NELL1: variants seen among roughly 807,000 people sequenced by gnomAD.
The protein encoded by NELL1 is neural EGFL like 1.
In NELL1, 76 loss-of-function variants were observed where a neutral mutation model predicts 107.4. The ratio of observed to expected loss-of-function variants is 0.71; its 90% CI spans 0.59 to 0.86. The LOEUF (loss-of-function observed/expected upper bound fraction) is 0.86, where lower values mean the gene tolerates loss of function less well. NELL1 is among the 40% of genes least tolerant of loss of function. The pLI, the probability that NELL1 is intolerant of heterozygous loss-of-function variation, is 0.00. For synonymous variants in NELL1, 353 were observed against 341.2 expected (o/e 1.03, Z -0.38); for missense variants, 1,024 against 1,005.5 (o/e 1.02, Z -0.25).
At chr11:21,170,655 A>T (rs968145028) in intron 13 of NELL1, among the ~76,000 whole-genome samples, 4 of 149,284 alleles carry the variant, frequency 2.7e-5, no homozygotes, top group Non-Finnish European at 5.9e-5. Flanking sequence ...TCTTTCCAGT[A>T]TATATATATA....
At chr11:21,487,736 G>A (rs1854674917) in intron 15 of NELL1, among the ~76,000 whole-genome samples, 1 of 152,076 alleles carries the variant, frequency 6.6e-6, no homozygotes, top group Non-Finnish European at 1.5e-5. Flanking sequence ...TAGATTGGCT[G>A]AATGGATTTT....
At chr11:21,404,253 T>C (rs546345719) in intron 15 of NELL1, among the ~76,000 whole-genome samples, 1 of 152,018 alleles carries the variant, frequency 6.6e-6, no homozygotes, top group African/African-American at 2.4e-5. Context: ...CCTATACTTA[T>C]ATTTTCCTTT....
At chr11:21,506,889 C>A (rs1855294984) in intron 15 of NELL1, among the ~76,000 whole-genome samples, 1 of 152,122 alleles carries the variant, frequency 6.6e-6, no homozygotes, top group Non-Finnish European at 1.5e-5. Context: ...CCTTTCATTT[C>A]TGGTCTGTCA....
At chr11:21,205,531 C>G (rs1791855) in intron 13 of NELL1, among the ~76,000 whole-genome samples, 135,401 of 152,206 alleles carry the variant, frequency 0.89, 62,417 homozygotes, top group East Asian at 1. Context: ...AGAATTTCAA[C>G]CCAGTTGCCC....
intron 16 of NELL1, among the ~76,000 whole-genome samples, chr11:21,553,597 A>G (rs1383400741): frequency 6.6e-6 from 1 of 151,772 alleles, no homozygotes; most frequent in Non-Finnish European, 1.5e-5. Context: ...TAGCTCCTAA[A>G]TTTTACCAAA....
chr11:20,854,859 C>A (rs1053346439), intron 4 of NELL1, among the ~76,000 whole-genome samples: 1 of 152,154 alleles, frequency 6.6e-6, no homozygotes, highest in African/African-American at 2.4e-5. Flanking sequence ...GTAAAAGAAG[C>A]CTTGGATGCT....
chr11:20,997,152 A>G (rs898750935), intron 12 of NELL1, among the ~76,000 whole-genome samples: 3 of 152,234 alleles, frequency 2.0e-5, no homozygotes, highest in Non-Finnish European at 4.4e-5. Context: ...AATAAATACA[A>G]TGTATGACTA....
intron 12 of NELL1, among the ~76,000 whole-genome samples, chr11:21,048,141 T>C (rs879873486): frequency 7.9e-5 from 12 of 151,966 alleles, no homozygotes; most frequent in Admixed American, 6.6e-4. Context: ...CATTTTTTTT[T>C]CCTTAACTCA....
In NELL1 at chr11:21,541,722, T is replaced by C. The variant is rs146458750; in HGVS notation, c.1786+7208T>C. ...TCTAGCTGAGCAGCATTTAGAAAGA[T>C]ATTTAACCTTTCAAAGCCTTAGTTT... On this transcript the variant is annotated intron_variant, in intron 16 of 19. Transcript: ENST00000357134. 1.9e-4 allele frequency among the ~76,000 whole-genome samples: 29 copies of C among 152,196 alleles called. No individual in the cohort carries two copies. In the East Asian group the frequency reaches 5.2e-3, roughly 28 times the overall value.
intron 3 of NELL1, among the ~76,000 whole-genome samples, chr11:20,827,693 A>G (rs975959463): frequency 4.0e-5 from 6 of 151,394 alleles, no homozygotes; most frequent in African/African-American, 1.4e-4. Flanking sequence ...GAACTCAAGC[A>G]TATGGCCACA....
intron 3 of NELL1, among the ~76,000 whole-genome samples, chr11:20,792,950 G>C (rs139865414): frequency 6.6e-6 from 1 of 151,898 alleles, no homozygotes; most frequent in Admixed American, 6.5e-5. Context: ...TTATGTGCTA[G>C]ACTATTTAAA....
intron 13 of NELL1, among the ~76,000 whole-genome samples, chr11:21,217,565 G>C (rs911689105): frequency 9.9e-5 from 15 of 152,106 alleles, no homozygotes; most frequent in African/African-American, 3.6e-4. Flanking sequence ...GATGGAATGA[G>C]GAGAGGGTAG....
intron 15 of NELL1, among the ~76,000 whole-genome samples, chr11:21,502,914 T>A (rs1382828952): frequency 6.6e-6 from 1 of 152,174 alleles, no homozygotes; most frequent in Non-Finnish European, 1.5e-5. Flanking sequence ...TGGAATTTTG[T>A]TCTTGTTGCC....
intron 2 of NELL1, among the ~76,000 whole-genome samples, chr11:20,692,929 T>C (rs1225907957): frequency 6.6e-6 from 1 of 152,146 alleles, no homozygotes; most frequent in African/African-American, 2.4e-5. Flanking sequence ...CTAAGTCTCT[T>C]TGTGGGTCAT....
chr11:20,851,304 T>C (rs1174193037), intron 4 of NELL1, among the ~76,000 whole-genome samples: 1 of 152,234 alleles, frequency 6.6e-6, no homozygotes, highest in Non-Finnish European at 1.5e-5. Flanking sequence ...TTCAACACTT[T>C]CTGCTTGCTA....
At chr11:20,830,908 C>A (rs538259296) in intron 3 of NELL1, among the ~76,000 whole-genome samples, 1 of 152,086 alleles carries the variant, frequency 6.6e-6, no homozygotes, top group Non-Finnish European at 1.5e-5. Flanking sequence ...CTAGGCCCCA[C>A]CCCCCAACAC....
chr11:20,678,932 A>G (rs1854128538), intron 2 of NELL1, among the ~76,000 whole-genome samples: 1 of 152,216 alleles, frequency 6.6e-6, no homozygotes, highest in Admixed American at 6.5e-5. Flanking sequence ...TAAAAAATGG[A>G]TAAAAAGCCT....
intron 16 of NELL1, among the ~76,000 whole-genome samples, chr11:21,553,595 A>G (rs1446396091): frequency 6.6e-6 from 1 of 151,794 alleles, no homozygotes; most frequent in African/African-American, 2.4e-5. Flanking sequence ...TATAGCTCCT[A>G]AATTTTACCA....
intron 15 of NELL1, among the ~76,000 whole-genome samples, chr11:21,501,849 A>G (rs1030206216): frequency 6.6e-6 from 1 of 152,078 alleles, no homozygotes; most frequent in Non-Finnish European, 1.5e-5. Flanking sequence ...TTTATGTTGT[A>G]TAGTTCCTTT....
Sources: gnomAD v4.1 joint callset for allele counts (sites outside exome capture counted in the v4.1 genomes callset) on GRCh38, gnomAD v4.1.1 for gene constraint, MANE v1.5 for transcripts, NCBI Gene and HGNC (gene_info 2026-07-23, HGNC 2026-07-21) for gene names.